The following ARHGAP32 variants were observed in gnomAD, a reference collection of about 807,000 sequenced individuals.
ARHGAP32 encodes rho GTPase-activating protein 32.
Under a neutral mutation model 186.5 loss-of-function variants are expected in ARHGAP32, and 51 were observed. That is an observed-to-expected ratio of 0.27 (90% CI 0.22 to 0.35). The LOEUF (loss-of-function observed/expected upper bound fraction) is 0.35, where lower values mean the gene tolerates loss of function less well. Among genes scored for constraint, ARHGAP32 ranks in the 10% least tolerant of loss-of-function variants. The pLI, the probability that ARHGAP32 is intolerant of heterozygous loss-of-function variation, is 1.00. For missense variants in ARHGAP32, 2,186 were observed against 2,623.5 expected (o/e 0.83, Z 3.64); for synonymous variants, 950 against 964.3 (o/e 0.99, Z 0.27).
chr11:128,971,248 G>T, intron 22 of ARHGAP32, 89 bp from the exon 23 acceptor site: 1 of 1,195,334 alleles, frequency 8.4e-7, no homozygotes, highest in Non-Finnish European at 1.2e-6. Context: ...AATTAAGGCT[G>T]GTTGGGTAGC....
Position 129,186,664 on chromosome 11 carries a change from T to C in ARHGAP32, c.116+5419A>G, listed in dbSNP as rs559880809. Among the ~76,000 whole-genome samples, 14 of 152,176 alleles carry C rather than the reference T, an allele frequency of 9.2e-5. No homozygotes were observed. The South Asian group carries it at 1.5e-3, about 16-fold the overall frequency. On this transcript the variant is annotated intron_variant, in intron 1 of 22. Coordinates refer to ENST00000682385, the MANE Select transcript of ARHGAP32 (RefSeq NM_001378024.1). ...TATATAAGGAGCCCAAACAACTCTA[T>C]AGGAAAAAATGTAATAATCCGATTT...
chr11:128,970,376 T>C lies in ARHGAP32; in HGVS notation c.4837A>G (p.Ile1613Val), dbSNP rs757799707. Residue 1613 changes from isoleucine to valine, a missense_variant, in exon 23 of 23, where the codon ATT becomes GTT. Coordinates refer to ENST00000682385, the MANE Select transcript of ARHGAP32 (RefSeq NM_001378024.1). The surrounding 1 kb of genome is among the most constrained non-coding windows in gnomAD (Gnocchi z 5.8). The stretch of plus-strand genomic sequence containing the variant: ...TCTGGGGGAACTTCTGTCCGTGAAA[T>C]GGGAACAGAGCGAATCATGGAAGAC... ...PPSSMIRSVP[I>V]SRTEVPPDDE... 18 of 1,613,988 alleles carry C rather than the reference T, an allele frequency of 1.1e-5. No individual in the cohort carries two copies. The highest frequency in any genetic ancestry group is 1.4e-5 in the Non-Finnish European group (17 of 1,179,996).
intron 2 of ARHGAP32, among the ~76,000 whole-genome samples, chr11:129,129,195 C>T (rs11221571): frequency 0.04 from 4,669 of 115,602 alleles, 36 homozygotes; most frequent in Non-Finnish European, 0.051. Context: ...GCCCGGCAGC[C>T]GCACCGTCTG....
At chr11:129,221,260 CAAT>C (rs1195673441) in intron 1 of ARHGAP32, among the ~76,000 whole-genome samples, 10 of 152,088 alleles carry the variant, frequency 6.6e-5, no homozygotes, top group Non-Finnish European at 1.3e-4. Context: ...CTAGCAAAGA[CAAT>C]AATAAGATAA....
At chr11:129,033,387 A>G (rs1197325690) in intron 11 of ARHGAP32, among the ~76,000 whole-genome samples, 1 of 152,196 alleles carries the variant, frequency 6.6e-6, no homozygotes, top group East Asian at 1.9e-4. Context: ...GAGAATTCCT[A>G]TTAATGTATA....
intron 2 of ARHGAP32, among the ~76,000 whole-genome samples, chr11:129,158,137 A>G (rs1943452042): frequency 6.6e-6 from 1 of 152,224 alleles, no homozygotes; most frequent in Admixed American, 6.5e-5. Flanking sequence ...AATTGTAAAG[A>G]CCATCAACAC....
chr11:129,241,364 C>G (rs1945015336), intron 1 of ARHGAP32, among the ~76,000 whole-genome samples: 2 of 152,108 alleles, frequency 1.3e-5, no homozygotes, highest in Non-Finnish European at 2.9e-5. Context: ...GACAAGTAGT[C>G]CAGGTGCAAG....
At chr11:129,216,833 GT>G (rs1348867629) in intron 1 of ARHGAP32, among the ~76,000 whole-genome samples, 1 of 151,598 alleles carries the variant, frequency 6.6e-6, no homozygotes, top group Non-Finnish European at 1.5e-5. Flanking sequence ...GTTTTTATAA[GT>G]TTTTTTCTAA....
chr11:129,076,876 G>A (rs191527946), intron 6 of ARHGAP32, among the ~76,000 whole-genome samples: 61 of 152,238 alleles, frequency 4.0e-4, no homozygotes, highest in African/African-American at 7.9e-4. Context: ...GTCACAAACC[G>A]TTGGAAAAAA....
At chr11:128,990,788 T>C (rs767387972) in intron 12 of ARHGAP32, among the ~76,000 whole-genome samples, 26 of 152,166 alleles carry the variant, frequency 1.7e-4, no homozygotes, top group South Asian at 6.2e-4. Context: ...ATAATAAAAT[T>C]TGGGGCTACA....
At chr11:129,063,783 A>G (rs933583370) in intron 9 of ARHGAP32, 119 bp downstream of exon 9, 3 of 1,169,172 alleles carry the variant, frequency 2.6e-6, no homozygotes, top group Non-Finnish European at 3.5e-6. Flanking sequence ...ATAAAAGACT[A>G]TGGAAAAACC....
chr11:128,984,496 T>C (rs1591499877), intron 15 of ARHGAP32, among the ~76,000 whole-genome samples: 1 of 152,306 alleles, frequency 6.6e-6, no homozygotes, highest in South Asian at 2.1e-4. Flanking sequence ...AAATTACGCT[T>C]TTCAAGAACA....
chr11:129,021,677 A>G (rs1021701294), intron 11 of ARHGAP32, among the ~76,000 whole-genome samples: 2 of 152,112 alleles, frequency 1.3e-5, no homozygotes, highest in Admixed American at 6.6e-5. Flanking sequence ...TAAATAAGTT[A>G]CACCTTTTTC....
At chr11:129,055,081 T>C (rs956920237) in intron 10 of ARHGAP32, among the ~76,000 whole-genome samples, 9 of 152,206 alleles carry the variant, frequency 5.9e-5, no homozygotes, top group Non-Finnish European at 8.8e-5. Context: ...GCTTAGGCCC[T>C]GGGATTTGAT....
At chr11:129,194,701 C>A (rs1013040875), upstream of ARHGAP32, among the ~76,000 whole-genome samples, 1 of 151,266 alleles carries the variant, frequency 6.6e-6, no homozygotes, top group Non-Finnish European at 1.5e-5. Flanking sequence ...TGCAGTGAGC[C>A]GAGATCACGC....
intron 5 of ARHGAP32, among the ~76,000 whole-genome samples, chr11:129,097,119 A>G (rs1434966701): frequency 6.6e-6 from 1 of 152,156 alleles, no homozygotes; most frequent in Non-Finnish European, 1.5e-5. Flanking sequence ...TTCAAAAAAA[A>G]AAAAATCACA....
Position 128,968,864 on chromosome 11 carries a change from C to T in ARHGAP32, c.*43G>A. 7.4e-7 allele frequency: 1 copy of T among 1,349,476 alleles called. No homozygotes were observed. The highest frequency in any genetic ancestry group is 2.6e-5 in the East Asian group (1 of 38,566). The allele number at this position is 1,349,476 out of a possible 1,614,324, so 83.6% of individuals were successfully genotyped here. On this transcript the variant is annotated 3_prime_UTR_variant, in exon 23 of 23. Coordinates refer to ENST00000682385, the MANE Select transcript of ARHGAP32 (RefSeq NM_001378024.1). ...GGTTATTGAAAAAAATAGAACAGTC[C>T]ACTGTCCAGCAGAGGCTGCTTCAAC...
intron 11 of ARHGAP32, among the ~76,000 whole-genome samples, chr11:129,012,030 G>A (rs1169175009): frequency 6.6e-6 from 1 of 152,172 alleles, no homozygotes. Context: ...AATAGGATGT[G>A]AAACTTCCCT....
chr11:129,122,965 A>C (rs1212984010), intron 5 of ARHGAP32, among the ~76,000 whole-genome samples: 5 of 152,154 alleles, frequency 3.3e-5, no homozygotes, highest in African/African-American at 9.6e-5. Flanking sequence ...TTAAGCTGCC[A>C]ATGATATAAG....
Sources: gnomAD v4.1 joint callset for allele counts (sites outside exome capture counted in the v4.1 genomes callset) on GRCh38, gnomAD v4.1.1 for gene constraint, Gnocchi (gnomAD v3.1) non-coding constraint, MANE v1.5 for transcripts, NCBI Gene and HGNC (gene_info 2026-07-23, HGNC 2026-07-21) for gene names.